USP34: variants seen among roughly 807,000 people sequenced by gnomAD.
The protein encoded by USP34 is ubiquitin specific peptidase 34.
In USP34, 70 loss-of-function variants were observed where a neutral mutation model predicts 460.3. The observed-to-expected ratio is 0.15, with a 90% CI of 0.13 to 0.19. USP34 has a LOEUF of 0.19. Among genes scored for constraint, USP34 ranks in the 10% least tolerant of loss-of-function variants. USP34 has a pLI of 1.00. For missense variants in USP34, 3,985 were observed against 4,236.2 expected (o/e 0.94, Z 1.65); for synonymous variants, 1,647 against 1,405.3 (o/e 1.17, Z -3.85).
chr2:61,430,854 A>C (rs1694651002), intron 1 of USP34, among the ~76,000 whole-genome samples: 1 of 152,174 alleles, frequency 6.6e-6, no homozygotes, highest in Non-Finnish European at 1.5e-5. Flanking sequence ...AAATAAAATA[A>C]TTAACTGGGC....
rs956978348 is a variant in USP34 at position 61,335,541 on chromosome 2, G to A, written c.2745-1570C>T. 5.9e-5 allele frequency among the ~76,000 whole-genome samples: 9 copies of A among 152,290 alleles called. No individual in the cohort carries two copies. In the East Asian group the frequency reaches 1.5e-3, roughly 26 times the overall value. On this transcript the variant is annotated intron_variant, in intron 18 of 79. Coordinates refer to ENST00000398571, the MANE Select transcript of USP34 (RefSeq NM_014709.4). ...CAAGGTGAGCAGACTGAGCCCAGGA[G>A]TTTGAGACCAGCCAGGGAAACACAG...
At chr2:61,395,116 C>A in intron 4 of USP34, 67 bp downstream of exon 4, 1 of 1,438,904 alleles carries the variant, frequency 6.9e-7, no homozygotes, top group Non-Finnish European at 9.4e-7. Flanking sequence ...AATAATAAAA[C>A]ATATGGATGA....
In USP34 at chr2:61,256,858, T is replaced by C; in HGVS notation, c.6126+15A>G. 1.9e-6 allele frequency: 3 copies of C among 1,545,868 alleles called. No individual in the cohort carries two copies. The highest frequency in any genetic ancestry group is 2.6e-6 in the Non-Finnish European group (3 of 1,152,284). Reference sequence around the variant, plus strand: ...AAAAGCATAAAGTAAAAAAATTATGTGCATTATTACTCACATAAATGTTCT... The same window carrying C: ...AAAAGCATAAAGTAAAAAAATTATGCGCATTATTACTCACATAAATGTTCT... On this transcript the variant is annotated intron_variant, in intron 47 of 79. Transcript: ENST00000398571.
intron 1 of USP34, among the ~76,000 whole-genome samples, chr2:61,452,314 G>A (rs1048777463): frequency 3.9e-4 from 58 of 147,412 alleles, no homozygotes; most frequent in Middle Eastern, 7.6e-3. Context: ...TATAATTCCC[G>A]GCACTTTTTT....
At chr2:61,421,178 T>C (rs1018739851) in intron 1 of USP34, among the ~76,000 whole-genome samples, 1 of 152,194 alleles carries the variant, frequency 6.6e-6, no homozygotes, top group Non-Finnish European at 1.5e-5. Context: ...CCAGTGCCTA[T>C]AGGGTACTAG....
chr2:61,302,685 T>C (rs1488008388), intron 27 of USP34, among the ~76,000 whole-genome samples: 3 of 152,232 alleles, frequency 2.0e-5, no homozygotes, highest in Non-Finnish European at 4.4e-5. Context: ...GTATCCATTC[T>C]ATATCATTTA....
chr2:61,311,249 C>T (rs1030329159), intron 27 of USP34, among the ~76,000 whole-genome samples: 4 of 152,068 alleles, frequency 2.6e-5, no homozygotes, highest in Admixed American at 2.6e-4. Flanking sequence ...ATTTTTTACC[C>T]TTCCACCCTC....
At chr2:61,233,328 A>G (rs1277200226) in intron 57 of USP34, among the ~76,000 whole-genome samples, 1 of 152,206 alleles carries the variant, frequency 6.6e-6, no homozygotes, top group African/African-American at 2.4e-5. Context: ...TAGTCAAAGA[A>G]AGCATGTGGG....
intron 29 of USP34, among the ~76,000 whole-genome samples, chr2:61,299,046 C>A (rs1690137273): frequency 6.6e-6 from 1 of 152,070 alleles, no homozygotes; most frequent in Admixed American, 6.6e-5. Flanking sequence ...AACACCAGCA[C>A]TAGGTGAGAA....
chr2:61,381,951 GA>G (rs1383184182), intron 6 of USP34, among the ~76,000 whole-genome samples: 2 of 152,050 alleles, frequency 1.3e-5, no homozygotes, highest in African/African-American at 2.4e-5. Context: ...AAAAATTGAG[GA>G]GGGGGGGTGC....
intron 25 of USP34, among the ~76,000 whole-genome samples, chr2:61,312,688 C>A (rs1162917398): frequency 6.6e-6 from 1 of 152,116 alleles, no homozygotes; most frequent in African/African-American, 2.4e-5. Flanking sequence ...AGTGGCACTA[C>A]TGACATTTTA....
intron 41 of USP34, among the ~76,000 whole-genome samples, chr2:61,266,775 A>C (rs1689059954): frequency 6.6e-6 from 1 of 152,208 alleles, no homozygotes; most frequent in African/African-American, 2.4e-5. Flanking sequence ...TGCAGAAAAG[A>C]GATAGCACAG....
At chr2:61,240,144 C>T (rs996291848) in intron 53 of USP34, among the ~76,000 whole-genome samples, 2 of 151,580 alleles carry the variant, frequency 1.3e-5, no homozygotes, top group Non-Finnish European at 2.9e-5. Flanking sequence ...AGAAGATTTG[C>T]TTTTTTGTGT....
At position 61,378,429 on chromosome 2, in the gene USP34, G is replaced by A; in HGVS notation, c.1015-5C>T. On this transcript the variant is annotated splice_region_variant and splice_polypyrimidine_tract_variant and intron_variant, in intron 7 of 79. Transcript: ENST00000398571. ...ATTGAAGGTATGGAGTTGATTCTAT[G>A]ATTAAAGACAAGAAATTAAGGGTTT... 6.3e-7 allele frequency: 1 copy of A among 1,576,410 alleles called. No homozygotes were observed. The highest frequency in any genetic ancestry group is 8.6e-7 in the Non-Finnish European group (1 of 1,166,842).
rs149614448 is a variant in USP34 at position 61,257,123 on chromosome 2, A to G, written c.5992-15T>C. ...ACGGTATTTTTCTTTAATATAAAAC[A>G]AACAAAAAATAAGAAACTAGTTAAA... On this transcript the variant is annotated splice_polypyrimidine_tract_variant and intron_variant, in intron 45 of 79. Coordinates refer to ENST00000398571, the MANE Select transcript of USP34 (RefSeq NM_014709.4). 5 of 1,572,308 alleles carry G rather than the reference A, an allele frequency of 3.2e-6. No individual in the cohort carries two copies. In the Admixed American group the frequency reaches 1.0e-4, roughly 32 times the overall value.
intron 2 of USP34, among the ~76,000 whole-genome samples, chr2:61,416,090 C>G (rs1302210609): frequency 6.6e-6 from 1 of 152,122 alleles, no homozygotes; most frequent in Non-Finnish European, 1.5e-5. Flanking sequence ...ACTATTACTC[C>G]ACAGTATTCA....
intron 51 of USP34, among the ~76,000 whole-genome samples, chr2:61,244,670 C>T (rs1262134094): frequency 4.0e-5 from 6 of 151,794 alleles, no homozygotes; most frequent in African/African-American, 7.3e-5. Flanking sequence ...AGAAGATGTC[C>T]TTTTTCTATC....
At chr2:61,211,084 G>C (rs1353445779) in intron 69 of USP34, among the ~76,000 whole-genome samples, 1 of 152,082 alleles carries the variant, frequency 6.6e-6, no homozygotes, top group Non-Finnish European at 1.5e-5. Flanking sequence ...ACTCACATTT[G>C]AAAGCTTTCC....
chr2:61,423,026 C>T (rs1694407957), intron 1 of USP34, among the ~76,000 whole-genome samples: 1 of 152,132 alleles, frequency 6.6e-6, no homozygotes, highest in African/African-American at 2.4e-5. Flanking sequence ...GAGACCCCCT[C>T]TCAAAAACAA....
Sources: allele counts gnomAD v4.1 joint callset (sites outside exome capture counted in the v4.1 genomes callset), GRCh38; gene constraint gnomAD v4.1.1; transcripts MANE v1.5; gene names NCBI Gene and HGNC (gene_info 2026-07-23, HGNC 2026-07-21).